DNAJC1: variants seen among roughly 807,000 people sequenced by gnomAD.
DNAJC1 encodes dnaJ homolog subfamily C member 1.
A neutral mutation model predicts 76.6 loss-of-function variants in DNAJC1; 58 were observed. The observed-to-expected ratio is 0.76, with a 90% confidence interval of 0.61 to 0.94. The LOEUF (loss-of-function observed/expected upper bound fraction) is 0.94. Among genes scored for constraint, DNAJC1 ranks in the 40% least tolerant of loss-of-function variants. The probability of loss-of-function intolerance (pLI) is 0.00; values close to 1 mark genes in which losing one functional copy is unlikely to be tolerated. For missense variants in DNAJC1, 689 were observed against 677.3 expected (o/e 1.02, Z -0.19); for synonymous variants, 258 against 267.9 (o/e 0.96, Z 0.36).
chr10:21,775,467 T>G (rs1834442747), intron 9 of DNAJC1, among the ~76,000 whole-genome samples: 2 of 151,890 alleles, frequency 1.3e-5, no homozygotes, highest in South Asian at 4.1e-4. Flanking sequence ...TGATCATTTA[T>G]GATTCTAGGT....
rs141514285 is a variant in DNAJC1 at position 21,984,743 on chromosome 10, A to G, written c.222+18470T>C. Among the ~76,000 whole-genome samples, 7 of 152,352 alleles carry G rather than the reference A, an allele frequency of 4.6e-5. No individual in the cohort carries two copies. The East Asian group carries it at 1.2e-3, about 25-fold the overall frequency. ...AAAGTATAAAATCTAATCAAAAGAC[A>G]TAAACATATTAACAAGTCTTTAAGA... On this transcript the variant is annotated intron_variant, in intron 1 of 11. Transcript: ENST00000376980.
At chr10:21,900,740 T>C (rs1836638881) in intron 7 of DNAJC1, among the ~76,000 whole-genome samples, 3 of 152,172 alleles carry the variant, frequency 2.0e-5, no homozygotes, top group African/African-American at 7.2e-5. Context: ...TTCTATTAGG[T>C]CATGTTTTCA....
intron 9 of DNAJC1, among the ~76,000 whole-genome samples, chr10:21,779,677 A>T (rs1481211445): frequency 1.3e-5 from 2 of 152,220 alleles, no homozygotes; most frequent in Non-Finnish European, 2.9e-5. Context: ...GAATTCTAAA[A>T]ATCTGAGCGC....
At chr10:21,775,014 G>A (rs898283413) in intron 9 of DNAJC1, among the ~76,000 whole-genome samples, 3 of 152,104 alleles carry the variant, frequency 2.0e-5, no homozygotes, top group Non-Finnish European at 2.9e-5. Context: ...GTTAAGAGTC[G>A]CCTTATGCTG....
At chr10:21,951,695 A>AACT (rs902140493) in intron 1 of DNAJC1, among the ~76,000 whole-genome samples, 2 of 152,208 alleles carry the variant, frequency 1.3e-5, no homozygotes, top group Non-Finnish European at 2.9e-5. Context: ...TTTCATTAGT[A>AACT]ACTACTACTA....
At chr10:21,849,873 T>C (rs1290350106) in intron 8 of DNAJC1, among the ~76,000 whole-genome samples, 4 of 151,978 alleles carry the variant, frequency 2.6e-5, no homozygotes, top group African/African-American at 7.3e-5. Flanking sequence ...AAACCACACA[T>C]GATCATCTCA....
intron 1 of DNAJC1, among the ~76,000 whole-genome samples, chr10:21,979,155 T>A: frequency 6.6e-6 from 1 of 151,844 alleles, no homozygotes; most frequent in East Asian, 1.9e-4. Flanking sequence ...GAAGATCTTT[T>A]AAAAAAAACC....
At chr10:21,983,880 C>T (rs1015026429) in intron 1 of DNAJC1, among the ~76,000 whole-genome samples, 1 of 152,072 alleles carries the variant, frequency 6.6e-6, no homozygotes, top group Non-Finnish European at 1.5e-5. Context: ...TGTGAATGTA[C>T]TTAGTGTCAC....
At chr10:21,942,265 G>T (rs1013875204) in intron 1 of DNAJC1, among the ~76,000 whole-genome samples, 1 of 152,052 alleles carries the variant, frequency 6.6e-6, no homozygotes, top group Non-Finnish European at 1.5e-5. Context: ...ATGATAAAAG[G>T]TCTAATCCAC....
intron 9 of DNAJC1, among the ~76,000 whole-genome samples, chr10:21,779,318 C>T (rs763696683): frequency 2.0e-5 from 3 of 152,186 alleles, no homozygotes; most frequent in African/African-American, 4.8e-5. Context: ...CCCTGACCCC[C>T]GAGTAGCCTG....
In DNAJC1 at chr10:21,777,282, A is replaced by G. The variant is rs141270618; in HGVS notation, c.1099-10973T>C. Among the ~76,000 whole-genome samples the G allele has an allele frequency of 1.1e-3, 171 of 152,326 alleles. 2 individuals are homozygous for G. The East Asian group carries it at 0.027, about 24-fold the overall frequency. On this transcript the variant is annotated intron_variant, in intron 9 of 11. Transcript: ENST00000376980. ...CAAATTCAGTATACTAGTAACATAG[A>G]ACACCTAATAGGATCCAAAGACTAT... is the stretch of plus-strand genomic sequence containing the variant.
chr10:21,818,673 C>T (rs556546238), intron 8 of DNAJC1, among the ~76,000 whole-genome samples: 9 of 152,156 alleles, frequency 5.9e-5, no homozygotes, highest in South Asian at 4.1e-4. Flanking sequence ...ACCTGGCCGA[C>T]GCTTAGGAAA....
chr10:21,933,786 G>A (rs1837265993), intron 1 of DNAJC1, among the ~76,000 whole-genome samples: 1 of 152,090 alleles, frequency 6.6e-6, no homozygotes, highest in East Asian at 1.9e-4. Flanking sequence ...CTATCTTCTA[G>A]TGACATGTTA....
At chr10:21,861,192 C>T (rs1835912617) in intron 8 of DNAJC1, among the ~76,000 whole-genome samples, 1 of 152,036 alleles carries the variant, frequency 6.6e-6, no homozygotes. Context: ...ATTGCATTTT[C>T]TGGAAAAAGG....
intron 1 of DNAJC1, among the ~76,000 whole-genome samples, chr10:21,988,080 AATTT>A (rs1838274817): frequency 2.0e-5 from 3 of 152,166 alleles, no homozygotes; most frequent in Admixed American, 1.3e-4. Context: ...TTATTATTAG[AATTT>A]ATTTCTCATT....
At chr10:21,812,552 A>G (rs575360960) in intron 8 of DNAJC1, among the ~76,000 whole-genome samples, 24 of 151,402 alleles carry the variant, frequency 1.6e-4, no homozygotes, top group Admixed American at 7.9e-4. Flanking sequence ...TCTATAATCT[A>G]TATTTTCTTT....
At chr10:21,995,115 A>T (rs1244461707) in intron 1 of DNAJC1, among the ~76,000 whole-genome samples, 2 of 152,052 alleles carry the variant, frequency 1.3e-5, no homozygotes, top group Admixed American at 6.6e-5. Context: ...AAATTTTCTA[A>T]AAGTCAGAGG....
intron 1 of DNAJC1, among the ~76,000 whole-genome samples, chr10:21,978,691 GAA>G (rs1590076818): frequency 6.6e-6 from 1 of 152,004 alleles, no homozygotes; most frequent in Admixed American, 6.6e-5. Context: ...TGAGTCACAG[GAA>G]AAAGAGGGAA....
chr10:21,904,923 G>C (rs1828775051), intron 6 of DNAJC1, among the ~76,000 whole-genome samples: 1 of 151,982 alleles, frequency 6.6e-6, no homozygotes, highest in Admixed American at 6.6e-5. Flanking sequence ...TATACAGAGA[G>C]CAGAAAAACT....
Sources: gnomAD v4.1 joint callset for allele counts (sites outside exome capture counted in the v4.1 genomes callset) on GRCh38, gnomAD v4.1.1 for gene constraint, MANE v1.5 for transcripts, NCBI Gene and HGNC (gene_info 2026-07-23, HGNC 2026-07-21) for gene names.